Variants in LCORL observed in about 807,000 individuals in gnomAD.
LCORL encodes ligand dependent nuclear receptor corepressor like, also known as ligand-dependent nuclear receptor corepressor-like protein.
Under a neutral mutation model 141.8 loss-of-function variants are expected in LCORL, and 41 were observed. The observed-to-expected ratio is 0.29, with a 90% CI of 0.23 to 0.38. LCORL has a LOEUF of 0.38. LCORL is among the 10% of genes least tolerant of loss of function. The probability of loss-of-function intolerance (pLI) is 1.00; values close to 1 mark genes in which losing one functional copy is unlikely to be tolerated. For missense variants in LCORL, 1,759 were observed against 2,035.0 expected, an observed-to-expected ratio of 0.86 and a Z score of 2.61; for synonymous variants, 618 against 694.1, an observed-to-expected ratio of 0.89 and a Z score of 1.72.
intron 1 of LCORL, among the ~76,000 whole-genome samples, chr4:17,981,805 C>A (rs889915962): frequency 6.6e-6 from 1 of 152,014 alleles, no homozygotes; most frequent in African/African-American, 2.4e-5. Flanking sequence ...CATAGGCAAA[C>A]TGATGTCACA....
At chr4:17,897,155 T>C (rs1730064208) in intron 5 of LCORL, among the ~76,000 whole-genome samples, 1 of 150,692 alleles carries the variant, frequency 6.6e-6, no homozygotes, top group Admixed American at 6.6e-5. Context: ...ATCTTGGCTA[T>C]TGTGAATAAA....
intron 4 of LCORL, among the ~76,000 whole-genome samples, chr4:17,939,146 G>A (rs1310600994): frequency 6.6e-6 from 1 of 152,148 alleles, no homozygotes; most frequent in East Asian, 1.9e-4. Flanking sequence ...TAAAAAGGAA[G>A]ATACATGAAT....
rs1485070646 is a variant in LCORL, at chr4:17,860,211, C to G, written c.5602+13177G>C. On this transcript the variant is annotated intron_variant, in intron 7 of 7. Transcript: ENST00000635767. ...TCACATTACCTGACTTCGAACTATACTACGAGGCTACTGTATTAGTCCATT... is the reference window on the plus strand; with the variant it reads ...TCACATTACCTGACTTCGAACTATAGTACGAGGCTACTGTATTAGTCCATT... Among the ~76,000 whole-genome samples, 3 of 152,188 alleles carry G rather than the reference C, an allele frequency of 2.0e-5. No individual in the cohort carries two copies. In the East Asian group the frequency reaches 5.8e-4, roughly 29 times the overall value.
chr4:17,938,766 C>A (rs1737328253), intron 4 of LCORL, among the ~76,000 whole-genome samples: 1 of 152,110 alleles, frequency 6.6e-6, no homozygotes, highest in Non-Finnish European at 1.5e-5. Flanking sequence ...GAAGATAAAA[C>A]AATTTTTATA....
At chr4:17,845,711 G>T in exon 8 of LCORL, 1 of 1,593,156 alleles carries the variant, frequency 6.3e-7, no homozygotes. Context: ...AGTGCAAGAA[G>T]AACTGCAATC....
In LCORL at chr4:17,909,365, A is replaced by G. The variant is rs763002403; in HGVS notation, c.431-20T>C. 4 of 1,514,554 alleles carry G rather than the reference A, an allele frequency of 2.6e-6. No individual in the cohort carries two copies. Among genetic ancestry groups the G allele is most frequent in the Non-Finnish European group, 1.8e-6 (2 of 1,128,568 alleles). The allele number at this position is 1,514,554 out of a possible 1,614,324, so 93.8% of individuals were successfully genotyped here. On this transcript the variant is annotated intron_variant, in intron 4 of 7. Transcript: ENST00000635767. ...GAAGATCTAGGGAAGAAATAAATATAATAATCATTTTAAAAAGAGAAAGGC... is the reference window on the plus strand; with the variant it reads ...GAAGATCTAGGGAAGAAATAAATATGATAATCATTTTAAAAAGAGAAAGGC...
At chr4:17,999,383 G>C (rs1721547092) in intron 1 of LCORL, among the ~76,000 whole-genome samples, 1 of 151,842 alleles carries the variant, frequency 6.6e-6, no homozygotes, top group South Asian at 2.1e-4. Context: ...GAACCCGGGA[G>C]GTGGAGCTTG....
At chr4:17,953,844 T>G (rs929912125) in intron 4 of LCORL, among the ~76,000 whole-genome samples, 1 of 152,042 alleles carries the variant, frequency 6.6e-6, no homozygotes, top group Non-Finnish European at 1.5e-5. Flanking sequence ...AAACAGATTT[T>G]AAGAGGAGTA....
At chr4:17,861,109 C>T (rs955483300) in intron 7 of LCORL, among the ~76,000 whole-genome samples, 8 of 152,196 alleles carry the variant, frequency 5.3e-5, no homozygotes, top group African/African-American at 1.4e-4. Context: ...CTCACAGTTC[C>T]GCTAGGCAGT....
At position 17,959,509 on chromosome 4, in the gene LCORL, G is replaced by A. The variant is rs188658680; in HGVS notation, c.430+2394C>T. Among the ~76,000 whole-genome samples, 134 of 152,092 alleles carry A rather than the reference G, an allele frequency of 8.8e-4. 1 individual carries two copies. In the Middle Eastern group the frequency reaches 0.024, roughly 27 times the overall value. On this transcript the variant is annotated intron_variant, in intron 4 of 7. Transcript: ENST00000635767. ...TATTGTTTTGGCATTAAATGAGATA[G>A]AGCATAAAAAAGGTTTAGTGCTCAA...
At chr4:18,003,995 C>T (rs548180515) in intron 1 of LCORL, among the ~76,000 whole-genome samples, 11 of 152,308 alleles carry the variant, frequency 7.2e-5, no homozygotes, top group African/African-American at 2.2e-4. Flanking sequence ...CGCAAGAATG[C>T]AAAGGTGCTA....
In LCORL at chr4:17,895,186, A is replaced by C. The variant is rs77666174; in HGVS notation, c.683-9025T>G. Among the ~76,000 whole-genome samples the C allele has an allele frequency of 3.5e-4, 54 of 152,194 alleles. No individual in the cohort carries two copies. The East Asian group carries it at 0.01, about 29-fold the overall frequency. ...TGTCTTTTTGGTGACAACATTCAAAATATTCTTTTAGCTGTTTTGAACTAT... is the reference window on the plus strand; with the variant it reads ...TGTCTTTTTGGTGACAACATTCAAACTATTCTTTTAGCTGTTTTGAACTAT... On this transcript the variant is annotated intron_variant, in intron 5 of 7. Coordinates refer to ENST00000635767, the Ensembl canonical transcript of LCORL.
At chr4:17,986,727 T>C (rs1239607643) in intron 1 of LCORL, among the ~76,000 whole-genome samples, 4 of 152,184 alleles carry the variant, frequency 2.6e-5, no homozygotes, top group Admixed American at 1.3e-4. Flanking sequence ...CGAATCTCAA[T>C]GATCTTTTTT....
At chr4:17,845,452 C>A (rs1722817049) in exon 8 of LCORL, 1 of 274,712 alleles carries the variant, frequency 3.6e-6, no homozygotes, top group East Asian at 6.8e-5. Context: ...AAACTAGGGA[C>A]AATTACGTAT....
chr4:17,955,004 T>A (rs1303807381), intron 4 of LCORL, among the ~76,000 whole-genome samples: 2 of 152,140 alleles, frequency 1.3e-5, no homozygotes, highest in Admixed American at 6.5e-5. Flanking sequence ...TATGTAGTTA[T>A]TATCAGCACA....
At chr4:17,944,812 C>T (rs1361861041) in intron 4 of LCORL, among the ~76,000 whole-genome samples, 1 of 152,066 alleles carries the variant, frequency 6.6e-6, no homozygotes, top group African/African-American at 2.4e-5. Flanking sequence ...ATTTGGGTTG[C>T]AATAATAAAA....
chr4:17,929,689 T>C (rs1312690632), intron 4 of LCORL, among the ~76,000 whole-genome samples: 1 of 152,146 alleles, frequency 6.6e-6, no homozygotes, highest in Non-Finnish European at 1.5e-5. Context: ...TAAATTTTCA[T>C]GACCTTGGAT....
intron 6 of LCORL, chr4:17,881,951 GTAATC>G (rs2109206410): frequency 1.0e-6 from 1 of 975,040 alleles, no homozygotes. Flanking sequence ...CTGCTGTTCT[GTAATC>G]TATTATGTAT....
At chr4:17,982,057 G>C in intron 1 of LCORL, among the ~76,000 whole-genome samples, 1 of 150,712 alleles carries the variant, frequency 6.6e-6, no homozygotes, top group East Asian at 2.0e-4. Context: ...TCCCTGCAAA[G>C]GACATGAGCT....
Sources: allele counts gnomAD v4.1 joint callset (sites outside exome capture counted in the v4.1 genomes callset), GRCh38; gene constraint gnomAD v4.1.1; transcripts MANE v1.5; gene names NCBI Gene and HGNC (gene_info 2026-07-23, HGNC 2026-07-21).